Variants in SPIDR observed in about 807,000 individuals in gnomAD.
SPIDR encodes the protein scaffold protein involved in DNA repair, also known as DNA repair-scaffolding protein.
Under a neutral mutation model 104.6 loss-of-function variants are expected in SPIDR, and 93 were observed. The observed-to-expected ratio is 0.89, with a 90% CI of 0.75 to 1.06. The LOEUF (loss-of-function observed/expected upper bound fraction) is 1.06. SPIDR is among the 50% of genes least tolerant of loss of function. SPIDR has a pLI of 0.00. For missense variants in SPIDR, 1,154 were observed against 1,111.2 expected (o/e 1.04, Z -0.55); for synonymous variants, 431 against 416.9 (o/e 1.03, Z -0.41).
At chr8:47,317,490 G>A (rs1457233066) in intron 5 of SPIDR, among the ~76,000 whole-genome samples, 1 of 152,144 alleles carries the variant, frequency 6.6e-6, no homozygotes, top group African/African-American at 2.4e-5. Context: ...ACAGTTCAAG[G>A]AGGCCTGCCT....
chr8:47,578,111 A>G (rs986881453), intron 8 of SPIDR, among the ~76,000 whole-genome samples: 3 of 152,220 alleles, frequency 2.0e-5, no homozygotes, highest in Non-Finnish European at 4.4e-5. Context: ...TCAAGACTAC[A>G]CTATGCACTT....
intron 8 of SPIDR, among the ~76,000 whole-genome samples, chr8:47,463,783 T>C (rs528525642): frequency 6.6e-6 from 1 of 152,338 alleles, no homozygotes; most frequent in Non-Finnish European, 1.5e-5. Flanking sequence ...TTTTAATTGA[T>C]GCAGGAAAAG....
chr8:47,679,194 C>G (rs982476281), intron 11 of SPIDR, among the ~76,000 whole-genome samples: 1 of 152,200 alleles, frequency 6.6e-6, no homozygotes, highest in African/African-American at 2.4e-5. Flanking sequence ...TGTGGCCCAA[C>G]ACAGACGCAT....
chr8:47,606,870 T>C (rs2063021865), intron 10 of SPIDR, among the ~76,000 whole-genome samples: 1 of 152,224 alleles, frequency 6.6e-6, no homozygotes, highest in Admixed American at 6.5e-5. Context: ...TCCTTTTCTC[T>C]GTATGGAGAC....
At chr8:47,306,017 C>G (rs1412938803) in intron 5 of SPIDR, among the ~76,000 whole-genome samples, 1 of 152,216 alleles carries the variant, frequency 6.6e-6, no homozygotes, top group Non-Finnish European at 1.5e-5. Context: ...CACCATTCTA[C>G]TTTGTGTATG....
At chr8:47,323,013 G>C (rs1041772682) in intron 5 of SPIDR, among the ~76,000 whole-genome samples, 75 of 151,598 alleles carry the variant, frequency 4.9e-4, no homozygotes, top group African/African-American at 1.7e-3. Flanking sequence ...GTGTGCAGCA[G>C]ACCAACATGG....
intron 8 of SPIDR, among the ~76,000 whole-genome samples, chr8:47,548,279 G>C (rs1232717962): frequency 1.3e-5 from 2 of 152,206 alleles, no homozygotes; most frequent in African/African-American, 4.8e-5. Context: ...TACATATGCA[G>C]TGATTAAGTC....
intron 2 of SPIDR, among the ~76,000 whole-genome samples, chr8:47,283,092 G>GTGATTTACC (rs1554560142): frequency 1.3e-5 from 2 of 152,166 alleles, no homozygotes; most frequent in African/African-American, 4.8e-5. Context: ...CTGATCTCAG[G>GTGATTTACC]TGATTTACTT....
At chr8:47,340,357 C>G (rs1306250302) in intron 5 of SPIDR, among the ~76,000 whole-genome samples, 3 of 152,114 alleles carry the variant, frequency 2.0e-5, no homozygotes, top group Non-Finnish European at 4.4e-5. Context: ...GTAATCCCAG[C>G]ACTTTGGGAG....
chr8:47,445,451 C>A (rs1452268948), intron 8 of SPIDR, among the ~76,000 whole-genome samples: 5 of 152,216 alleles, frequency 3.3e-5, no homozygotes, highest in Non-Finnish European at 5.9e-5. Flanking sequence ...ATCTTACTTT[C>A]TCTCCTCAGA....
intron 5 of SPIDR, among the ~76,000 whole-genome samples, chr8:47,342,718 C>T (rs575138382): frequency 5.9e-5 from 9 of 152,106 alleles, no homozygotes; most frequent in African/African-American, 1.9e-4. Context: ...CCTTTCTTAT[C>T]GACGCTGGTG....
chr8:47,322,932 C>T (rs966079439), intron 5 of SPIDR, among the ~76,000 whole-genome samples: 25 of 151,652 alleles, frequency 1.6e-4, no homozygotes, highest in African/African-American at 4.4e-4. Flanking sequence ...ACGCCGGGGC[C>T]TGTTGTCGGG....
chr8:47,672,143 T>C (rs2075884235), intron 10 of SPIDR, among the ~76,000 whole-genome samples: 2 of 152,182 alleles, frequency 1.3e-5, no homozygotes, highest in Admixed American at 6.5e-5. Context: ...AAATTTTTCC[T>C]AGAGACAAGA....
chr8:47,396,456 A>G lies in SPIDR; in HGVS notation c.606A>G (p.Ser202=). ...DDLENVLLID[S]ESPHKYHVQF... is the part of the protein sequence containing the mutation. Reference sequence around the variant, plus strand: ...TGGAAAATGTCCTACTCATTGATTCAGAATCCCCTCACAAATACCACGTGC... The same window carrying G: ...TGGAAAATGTCCTACTCATTGATTCGGAATCCCCTCACAAATACCACGTGC... Residue 202 remains serine, a synonymous_variant, in exon 6 of 20, where the codon TCA becomes TCG. Coordinates refer to ENST00000297423, the MANE Select transcript of SPIDR (RefSeq NM_001080394.4). 1 of 1,614,156 alleles carries G rather than the reference A, an allele frequency of 6.2e-7. No individual in the cohort carries two copies. Among genetic ancestry groups the G allele is most frequent in the Non-Finnish European group, 8.5e-7 (1 of 1,180,000 alleles).
At chr8:47,696,357 C>CT (rs1282252582) in intron 11 of SPIDR, among the ~76,000 whole-genome samples, 8 of 152,154 alleles carry the variant, frequency 5.3e-5, no homozygotes, top group Non-Finnish European at 8.8e-5. Context: ...AAGAAGTTAA[C>CT]TTTGCTCCGT....
intron 4 of SPIDR, 141 bp from the exon 5 acceptor site, chr8:47,293,726 G>T: frequency 1.1e-6 from 1 of 921,870 alleles, no homozygotes; most frequent in East Asian, 2.8e-5. Context: ...AGGATTACAG[G>T]CATGAGCTAT....
At chr8:47,365,693 A>G (rs2057066338) in intron 5 of SPIDR, among the ~76,000 whole-genome samples, 2 of 152,188 alleles carry the variant, frequency 1.3e-5, no homozygotes, top group Non-Finnish European at 2.9e-5. Flanking sequence ...TAATTGAAAC[A>G]TGAAATAAAT....
chr8:47,688,692 A>G (rs2078196554), intron 11 of SPIDR: 1 of 152,298 alleles, frequency 6.6e-6, no homozygotes, highest in Non-Finnish European at 1.5e-5. Context: ...TGTATCCCCT[A>G]GGGCACAGGT....
chr8:47,598,852 G>C, intron 9 of SPIDR, 94 bp from the exon 10 acceptor site: 1 of 1,505,160 alleles, frequency 6.6e-7, no homozygotes. Context: ...GCTGCTTAAG[G>C]ATGTCATTAT....
Sources: gnomAD v4.1 joint callset for allele counts (sites outside exome capture counted in the v4.1 genomes callset) on GRCh38, gnomAD v4.1.1 for gene constraint, MANE v1.5 for transcripts, NCBI Gene and HGNC (gene_info 2026-07-23, HGNC 2026-07-21) for gene names.